The following COL27A1 variants were observed in gnomAD, a reference collection of about 807,000 sequenced individuals.
COL27A1 encodes collagen alpha-1(XXVII) chain.
A neutral mutation model predicts 251.3 loss-of-function variants in COL27A1; 106 were observed. That is an observed-to-expected ratio of 0.42 (90% confidence interval 0.36 to 0.50). COL27A1 has a LOEUF of 0.50. Ranked by LOEUF, COL27A1 falls within the 20% of genes least tolerant of loss-of-function variation. COL27A1 has a pLI of 0.00. For missense variants in COL27A1, 2,325 were observed against 2,522.8 expected, an observed-to-expected ratio of 0.92 and a Z score of 1.68; for synonymous variants, 1,000 against 986.3, an observed-to-expected ratio of 1.01 and a Z score of -0.26.
chr9:114,184,553 G>A (rs1424690893), intron 5 of COL27A1, among the ~76,000 whole-genome samples: 1 of 152,206 alleles, frequency 6.6e-6, no homozygotes, highest in African/African-American at 2.4e-5. Context: ...GGCAGGCAGT[G>A]GAGGCCTCAG....
chr9:114,233,285 T>C (rs966458552), intron 16 of COL27A1, among the ~76,000 whole-genome samples: 1 of 152,130 alleles, frequency 6.6e-6, no homozygotes, highest in Non-Finnish European at 1.5e-5. Context: ...ACATTAGAAT[T>C]GCTGGGTGAA....
At chr9:114,277,094 TG>T (rs1381603564) in intron 37 of COL27A1, among the ~76,000 whole-genome samples, 10 of 152,158 alleles carry the variant, frequency 6.6e-5, no homozygotes, top group Admixed American at 6.5e-4. Context: ...GAGGATGAGC[TG>T]GAGGCAGGTG....
In COL27A1 at chr9:114,161,914, T is replaced by G. The variant is rs183351678; in HGVS notation, c.63-801T>G. 3.3e-5 allele frequency among the ~76,000 whole-genome samples: 5 copies of G among 152,244 alleles called. No homozygotes were observed. The East Asian group carries it at 9.7e-4, about 30-fold the overall frequency. ...AGTATTTTTGTGGCTGGCAGCAGACTGAGCCCTTGCCATGCATGAGCTTAT... is the reference window on the plus strand; with the variant it reads ...AGTATTTTTGTGGCTGGCAGCAGACGGAGCCCTTGCCATGCATGAGCTTAT... On this transcript the variant is annotated intron_variant, in intron 1 of 60. Coordinates refer to ENST00000356083, the MANE Select transcript of COL27A1 (RefSeq NM_032888.4).
Position 114,289,496 on chromosome 9 carries a change from C to T in COL27A1, c.4206+201C>T, listed in dbSNP as rs534872213. Among the ~76,000 whole-genome samples, 5 of 152,288 alleles carry T rather than the reference C, an allele frequency of 3.3e-5. No individual in the cohort carries two copies. The East Asian group carries it at 9.7e-4, about 29-fold the overall frequency. On this transcript the variant is annotated intron_variant, in intron 45 of 60. Coordinates refer to ENST00000356083, the MANE Select transcript of COL27A1 (RefSeq NM_032888.4). ...AGCCTGAGTGAGGAGGGACAATCAG[C>T]CCCATTTCACTGGGGCTCCAGGAGG...
Position 114,235,582 on chromosome 9 carries a change from T to G in COL27A1, c.2566-17T>G. On this transcript the variant is annotated splice_polypyrimidine_tract_variant and intron_variant, in intron 16 of 60. Coordinates refer to ENST00000356083, the MANE Select transcript of COL27A1 (RefSeq NM_032888.4). ...ACGTGGCCTCCATTGTAACCTTCTT[T>G]GCTGGTGTGTACTTAGGGTGAACAA... The G allele has an allele frequency of 6.2e-7, 1 of 1,611,602 alleles. No homozygotes were observed.
intron 6 of COL27A1, among the ~76,000 whole-genome samples, chr9:114,195,701 T>C (rs555949752): frequency 4.5e-4 from 68 of 152,350 alleles, no homozygotes; most frequent in African/African-American, 1.6e-3. Flanking sequence ...GAACCCATTC[T>C]TCAAGTGGTG....
intron 20 of COL27A1, 77 bp from the exon 21 acceptor site, chr9:114,240,357 C>A: frequency 6.3e-7 from 1 of 1,586,066 alleles, no homozygotes. Flanking sequence ...GGCTTGGAAG[C>A]AGGGGTTGCC....
At chr9:114,174,856 A>T (rs1476293115) in intron 3 of COL27A1, among the ~76,000 whole-genome samples, 4 of 152,142 alleles carry the variant, frequency 2.6e-5, no homozygotes, top group Admixed American at 2.6e-4. Context: ...AGGAATAATC[A>T]TGAGCTCAGA....
chr9:114,194,449 G>A lies in COL27A1; in HGVS notation c.2062G>A (p.Gly688Arg), dbSNP rs756074484. The change falls in exon 6 of 61, where the codon GGG becomes AGG. Residue 688 changes from glycine (G) to arginine (R), a missense_variant. Gly to Arg is a moderately radical substitution (Grantham distance 125). This residue lies in a region of COL27A1 where 1,183 missense variants were observed against 1,144.1 expected (regional missense o/e 1.03). Coordinates refer to ENST00000356083, the MANE Select transcript of COL27A1 (RefSeq NM_032888.4). ...GCTCTCACCAGGAAAGGCCCACGAT[G>A]GGGCAAAGGTAGGTTTCCAGGGACC... ...PGLSPGKAHD[G>R]AKGDMGLPGL... 1.2e-6 allele frequency: 2 copies of A among 1,612,870 alleles called. No homozygotes were observed. Among genetic ancestry groups the A allele is most frequent in the Non-Finnish European group, 1.7e-6 (2 of 1,179,472 alleles).
At chr9:114,244,735 T>G (rs1398521501) in intron 23 of COL27A1, among the ~76,000 whole-genome samples, 2 of 152,214 alleles carry the variant, frequency 1.3e-5, no homozygotes, top group Non-Finnish European at 2.9e-5. Context: ...GCCAAACTAC[T>G]GGCTAGCCCG....
chr9:114,281,928 C>T (rs533592192), intron 37 of COL27A1, among the ~76,000 whole-genome samples: 8 of 152,292 alleles, frequency 5.3e-5, no homozygotes, highest in Non-Finnish European at 7.4e-5. Flanking sequence ...GAGAGTTGCT[C>T]CCTGTAGGAC....
chr9:114,216,950 A>G (rs1273459825), intron 12 of COL27A1, among the ~76,000 whole-genome samples: 1 of 152,184 alleles, frequency 6.6e-6, no homozygotes, highest in Non-Finnish European at 1.5e-5. Flanking sequence ...GTTGTAGCTA[A>G]GAGAACAGCT....
chr9:114,235,718 C>T (rs2135453966), intron 17 of COL27A1, 66 bp downstream of exon 17: 1 of 1,228,554 alleles, frequency 8.1e-7, no homozygotes, highest in Admixed American at 1.7e-5. Flanking sequence ...CTGGTCTTGG[C>T]TTCCTTCCTA....
intron 7 of COL27A1, among the ~76,000 whole-genome samples, chr9:114,198,685 T>TA (rs150072049): frequency 0.019 from 2,909 of 152,164 alleles, 89 homozygotes; most frequent in African/African-American, 0.059. Flanking sequence ...GTCCATCTGG[T>TA]AAAAAAAGAG....
At chr9:114,203,568 A>G (rs552841787) in intron 7 of COL27A1, among the ~76,000 whole-genome samples, 4 of 152,172 alleles carry the variant, frequency 2.6e-5, no homozygotes, top group African/African-American at 9.6e-5. Flanking sequence ...ATCACACCCA[A>G]CCTTGTTGCA....
At position 114,288,010 on chromosome 9, in the gene COL27A1, G is replaced by A. The variant is rs150935935; in HGVS notation, c.3988-445G>A. Among the ~76,000 whole-genome samples, 535 of 152,276 alleles carry A rather than the reference G, an allele frequency of 3.5e-3. 3 individuals carry two copies. The highest frequency in any genetic ancestry group is 0.012 in the African/African-American group (506 of 41,556). ...GAGTTGGTGTTACTCCCTGCCGGGCGTCGCGCATCATTCCACGGAGTCCTC... is the reference window on the plus strand; with the variant it reads ...GAGTTGGTGTTACTCCCTGCCGGGCATCGCGCATCATTCCACGGAGTCCTC... On this transcript the variant is annotated intron_variant, in intron 41 of 60. Coordinates refer to ENST00000356083, the MANE Select transcript of COL27A1 (RefSeq NM_032888.4).
At chr9:114,231,732 G>T (rs1831970104) in intron 15 of COL27A1, 90 bp from the exon 16 acceptor site, 2 of 1,301,676 alleles carry the variant, frequency 1.5e-6, no homozygotes, top group Non-Finnish European at 2.2e-6. Flanking sequence ...ATCTAGCACG[G>T]GGTCTTGCAG....
chr9:114,166,402 C>T (rs71495172), intron 2 of COL27A1, among the ~76,000 whole-genome samples: 34,149 of 80,370 alleles, frequency 0.42, 4,378 homozygotes, highest in Middle Eastern at 0.53. Context: ...CATCCACCCA[C>T]CCACCTATCC....
At chr9:114,165,846 CCA>C (rs1848801876) in intron 2 of COL27A1, among the ~76,000 whole-genome samples, 1 of 151,298 alleles carries the variant, frequency 6.6e-6, no homozygotes, top group Admixed American at 6.6e-5. Flanking sequence ...ATCCATCCAT[CCA>C]TCCATCCATC....
Sources: gnomAD v4.1 joint callset for allele counts (sites outside exome capture counted in the v4.1 genomes callset) on GRCh38, gnomAD v4.1.1 for gene constraint, gnomAD v4.1.1 regional missense constraint, MANE v1.5 for transcripts, NCBI Gene and HGNC (gene_info 2026-07-23, HGNC 2026-07-21) for gene names.